LRRC37A: variants seen among roughly 807,000 people sequenced by gnomAD.
LRRC37A encodes the protein leucine rich repeat containing 37A.
Under a neutral mutation model 35.4 loss-of-function variants are expected in LRRC37A, and 3 were observed. The ratio of observed to expected loss-of-function variants is 0.08; its 90% CI spans 0.04 to 0.22. LRRC37A has a LOEUF of 0.22. Among genes scored for constraint, LRRC37A ranks in the 10% least tolerant of loss-of-function variants. The pLI is 1.00. For missense variants in LRRC37A, 67 were observed against 565.3 expected (o/e 0.12, Z 8.94); for synonymous variants, 23 against 215.0 (o/e 0.11, Z 7.81).
the LRRC37A span, among the ~76,000 whole-genome samples, chr17:46,271,411 A>G: frequency 6.7e-6 from 1 of 149,884 alleles, no homozygotes; most frequent in Non-Finnish European, 1.5e-5. Context: ...CAAACTCCCA[A>G]CCTCAGGTGA....
the LRRC37A span, chr17:46,267,623 G>T: frequency 2.1e-6 from 3 of 1,455,586 alleles, no homozygotes; most frequent in South Asian, 3.4e-5. Flanking sequence ...TTTTTGGGAC[G>T]GATGGGGGAC....
chr17:46,265,247 T>TTCC, the LRRC37A span, among the ~76,000 whole-genome samples: 1 of 634 alleles, frequency 1.6e-3, no homozygotes, highest in Admixed American at 0.021. Context: ...CAAATTTCCT[T>TTCC]TCTTCTTCTT....
chr17:46,288,041 AT>A (rs926112140), upstream of LRRC37A, among the ~76,000 whole-genome samples: 3 of 152,212 alleles, frequency 2.0e-5, no homozygotes, highest in African/African-American at 7.2e-5. Flanking sequence ...CTACCAAGGC[AT>A]TTCTTGGTAG....
the LRRC37A span, among the ~76,000 whole-genome samples, chr17:46,253,188 C>T: frequency 1.6e-4 from 24 of 146,346 alleles, no homozygotes; most frequent in African/African-American, 5.9e-4. Context: ...ACATCCCAGA[C>T]GGGGCGGCGG....
the LRRC37A span, among the ~76,000 whole-genome samples, chr17:46,273,002 G>A: frequency 2.0e-5 from 3 of 152,148 alleles, no homozygotes; most frequent in African/African-American, 7.2e-5. Flanking sequence ...TATTTTTCTA[G>A]TATGAAATGT....
the LRRC37A span, among the ~76,000 whole-genome samples, chr17:46,261,971 A>C: frequency 6.6e-6 from 1 of 152,128 alleles, no homozygotes; most frequent in Non-Finnish European, 1.5e-5. Context: ...ATTTTTTGAG[A>C]CAGGTTCTTG....
chr17:46,277,653 C>CTTTCTTTCTT, the LRRC37A span, among the ~76,000 whole-genome samples: 25 of 137,886 alleles, frequency 1.8e-4, no homozygotes, highest in Non-Finnish European at 2.6e-4. Flanking sequence ...TTCTTTCTTT[C>CTTTCTTTCTT]TTTTTTTTTT....
At chr17:46,263,714 C>A in the LRRC37A span, among the ~76,000 whole-genome samples, 9 of 151,766 alleles carry the variant, frequency 5.9e-5, no homozygotes, top group Middle Eastern at 3.4e-3. Context: ...ATTAGCAGGT[C>A]GTGGTGGCAC....
chr17:46,291,985 A>AAAAAAAAAAAAAAAAC (rs1360524355), upstream of LRRC37A, among the ~76,000 whole-genome samples: 9 of 76,580 alleles, frequency 1.2e-4, 1 homozygote, highest in Non-Finnish European at 1.9e-4. Flanking sequence ...AAAAAAAAAA[A>AAAAAAAAAAAAAAAAC]AAGCCAATAA....
At chr17:46,257,169 G>A in the LRRC37A span, among the ~76,000 whole-genome samples, 1 of 151,836 alleles carries the variant, frequency 6.6e-6, no homozygotes, top group African/African-American at 2.4e-5. Flanking sequence ...ACACTAGGCT[G>A]GGCATGGTGG....
chr17:46,248,363 A>G, the LRRC37A span, among the ~76,000 whole-genome samples: 1 of 152,124 alleles, frequency 6.6e-6, no homozygotes, highest in Non-Finnish European at 1.5e-5. Flanking sequence ...CTGTCGCCTC[A>G]AAAAGGTCCC....
chr17:46,277,108 T>C, the LRRC37A span, among the ~76,000 whole-genome samples: 21 of 152,370 alleles, frequency 1.4e-4, no homozygotes, highest in East Asian at 5.8e-4. Flanking sequence ...CACAGCCTAA[T>C]TTGTTTATTT....
upstream of LRRC37A, among the ~76,000 whole-genome samples, chr17:46,290,409 G>A (rs1456237846): frequency 6.6e-6 from 1 of 152,096 alleles, no homozygotes; most frequent in African/African-American, 2.4e-5. Flanking sequence ...TACAGGCTGT[G>A]AGCCACAACT....
upstream of LRRC37A, among the ~76,000 whole-genome samples, chr17:46,290,522 C>A (rs1358051742): frequency 5.9e-5 from 9 of 152,256 alleles, no homozygotes; most frequent in Non-Finnish European, 1.3e-4. Context: ...TCTCGGCTCA[C>A]TGCAACCTCC....
intron 5 of LRRC37A, among the ~76,000 whole-genome samples, chr17:46,316,569 G>T (rs887045654): frequency 1.5e-5 from 1 of 67,576 alleles, no homozygotes; most frequent in Non-Finnish European, 4.3e-5. Context: ...CTGGGTAGCT[G>T]AGACTACAGG....
At chr17:46,252,898 C>T in the LRRC37A span, among the ~76,000 whole-genome samples, 1 of 149,622 alleles carries the variant, frequency 6.7e-6, no homozygotes, top group Admixed American at 6.8e-5. Context: ...GTACACCTCC[C>T]GGACGGGGCG....
At chr17:46,291,455 G>A (rs559474744), upstream of LRRC37A, among the ~76,000 whole-genome samples, 14 of 152,056 alleles carry the variant, frequency 9.2e-5, no homozygotes, top group East Asian at 1.5e-3. Flanking sequence ...AGAGTTTCTC[G>A]GGGGTAAGGG....
At chr17:46,258,829 C>T in the LRRC37A span, among the ~76,000 whole-genome samples, 9 of 150,132 alleles carry the variant, frequency 6.0e-5, no homozygotes, top group African/African-American at 2.2e-4. Flanking sequence ...ATTCTCCTGC[C>T]TCAGCCTCCC....
At chr17:46,271,924 C>G in the LRRC37A span, among the ~76,000 whole-genome samples, 15,289 of 143,452 alleles carry the variant, frequency 0.11, 1 homozygote, top group Middle Eastern at 0.17. Context: ...ACTTGTCCAG[C>G]TAAATTGTTG....
Sources: gnomAD v4.1 joint callset for allele counts (sites outside exome capture counted in the v4.1 genomes callset) on GRCh38, gnomAD v4.1.1 for gene constraint, MANE v1.5 for transcripts, NCBI Gene and HGNC (gene_info 2026-07-23, HGNC 2026-07-21) for gene names.